Variants in NPFFR2 observed in about 807,000 individuals in gnomAD.
NPFFR2 encodes the protein G-protein coupled receptor 74.
In NPFFR2, 15 loss-of-function variants were observed where a neutral mutation model predicts 13.1. That is an observed-to-expected ratio of 1.15 (90% CI 0.77 to 1.76). The LOEUF is 1.76. Ranked by LOEUF, NPFFR2 falls within the 40% of genes most tolerant of loss-of-function variation. The pLI, the probability that NPFFR2 is intolerant of heterozygous loss-of-function variation, is 0.00. For missense variants in NPFFR2, 572 were observed against 503.5 expected, an observed-to-expected ratio of 1.14 and a Z score of -1.30; for synonymous variants, 190 against 175.7, an observed-to-expected ratio of 1.08 and a Z score of -0.65.
chr4:72,048,242 T>A (rs999577841), intron 1 of NPFFR2, among the ~76,000 whole-genome samples: 1 of 152,104 alleles, frequency 6.6e-6, no homozygotes, highest in African/African-American at 2.4e-5. Context: ...TCCCAAGTTC[T>A]GGATTCTTGG....
intron 3 of NPFFR2, among the ~76,000 whole-genome samples, chr4:72,144,337 C>T (rs1193739847): frequency 6.6e-6 from 1 of 152,132 alleles, no homozygotes; most frequent in Non-Finnish European, 1.5e-5. Context: ...CAGCAAAAAT[C>T]ATGATGTGGT....
At chr4:72,102,132 G>T (rs1202301615) in intron 1 of NPFFR2, among the ~76,000 whole-genome samples, 1 of 151,912 alleles carries the variant, frequency 6.6e-6, no homozygotes, top group Non-Finnish European at 1.5e-5. Context: ...ATGAGTATGG[G>T]TTTATTCTCC....
At chr4:72,066,359 CT>C (rs1257478000) in intron 1 of NPFFR2, among the ~76,000 whole-genome samples, 1 of 152,116 alleles carries the variant, frequency 6.6e-6, no homozygotes, top group African/African-American at 2.4e-5. Flanking sequence ...GTTTTAACAC[CT>C]GAATTTTTGA....
At chr4:72,108,593 G>A (rs1721480062) in intron 1 of NPFFR2, among the ~76,000 whole-genome samples, 1 of 151,946 alleles carries the variant, frequency 6.6e-6, no homozygotes, top group Non-Finnish European at 1.5e-5. Flanking sequence ...GGAGGAAATA[G>A]ACTAAAATAT....
At chr4:72,068,086 T>C (rs4694461) in intron 1 of NPFFR2, among the ~76,000 whole-genome samples, 136,860 of 152,134 alleles carry the variant, frequency 0.9, 62,516 homozygotes, top group Non-Finnish European at 0.98. Context: ...TCTACTTCCC[T>C]ATATTTTGGT....
intron 1 of NPFFR2, among the ~76,000 whole-genome samples, chr4:72,065,346 T>C (rs1720034567): frequency 6.6e-6 from 1 of 151,974 alleles, no homozygotes; most frequent in African/African-American, 2.4e-5. Flanking sequence ...TGAATGCAAA[T>C]ATGTAAATAA....
rs184897409 is a variant in NPFFR2, at chr4:72,137,769, G to A, written c.329-271G>A. Reference sequence around the variant, plus strand: ...GAGGAAAATAACAAAGCCTTCAAAAGCCTGTTGTGAGGATTAGATATGTTA... The same window carrying A: ...GAGGAAAATAACAAAGCCTTCAAAAACCTGTTGTGAGGATTAGATATGTTA... On this transcript the variant is annotated intron_variant, in intron 2 of 3. Coordinates refer to ENST00000308744, the MANE Select transcript of NPFFR2 (RefSeq NM_004885.3). Among the ~76,000 whole-genome samples the A allele has an allele frequency of 6.6e-5, 10 of 152,288 alleles. 1 individual carries two copies. The highest frequency in any genetic ancestry group is 3.3e-4 in the Admixed American group (5 of 15,288).
chr4:72,113,062 C>G (rs895380496), intron 1 of NPFFR2, among the ~76,000 whole-genome samples: 1 of 152,004 alleles, frequency 6.6e-6, no homozygotes, highest in Non-Finnish European at 1.5e-5. Flanking sequence ...AAAATTTACA[C>G]AGAATATCCT....
At chr4:72,079,531 T>A (rs1720546823) in intron 1 of NPFFR2, among the ~76,000 whole-genome samples, 1 of 152,114 alleles carries the variant, frequency 6.6e-6, no homozygotes, top group Non-Finnish European at 1.5e-5. Context: ...GACCTAAATG[T>A]AAAACTTTAA....
intron 1 of NPFFR2, among the ~76,000 whole-genome samples, chr4:72,044,037 A>G (rs1719308611): frequency 6.6e-6 from 1 of 152,178 alleles, no homozygotes; most frequent in Non-Finnish European, 1.5e-5. Context: ...TTCACATGAT[A>G]GTGAGTGAGT....
chr4:72,032,648 A>C (rs1328570457), intron 1 of NPFFR2, among the ~76,000 whole-genome samples: 1 of 152,192 alleles, frequency 6.6e-6, no homozygotes, highest in Non-Finnish European at 1.5e-5. Flanking sequence ...GAAAAGCTGA[A>C]ATCAGGTTTC....
At position 72,054,368 on chromosome 4, in the gene NPFFR2, A is replaced by T. The variant is rs143106299; in HGVS notation, c.-8+22168A>T. Among the ~76,000 whole-genome samples, 539 of 152,066 alleles carry T rather than the reference A, an allele frequency of 3.5e-3. 1 individual carries two copies. Among genetic ancestry groups the T allele is most frequent in the Non-Finnish European group, 6.3e-3 (427 of 67,906 alleles). ...ATTTATTTTAGACAATGGATCCAAGATAATTCAATTAGAAAAGGTTAATCT... is the reference window on the plus strand; with the variant it reads ...ATTTATTTTAGACAATGGATCCAAGTTAATTCAATTAGAAAAGGTTAATCT... On this transcript the variant is annotated intron_variant, in intron 1 of 3. Transcript: ENST00000308744.
chr4:72,056,298 C>T (rs1017502296), intron 1 of NPFFR2, among the ~76,000 whole-genome samples: 9 of 151,868 alleles, frequency 5.9e-5, no homozygotes, highest in Non-Finnish European at 1.0e-4. Flanking sequence ...ATACTCTGTC[C>T]ATGCTCTATA....
chr4:72,129,056 C>A, intron 2 of NPFFR2, 137 bp downstream of exon 2: 3 of 637,388 alleles, frequency 4.7e-6, no homozygotes, highest in Non-Finnish European at 8.0e-6. Flanking sequence ...AGGCACCTGC[C>A]CTCATTGGAT....
At chr4:72,114,025 T>C (rs1051527321) in intron 1 of NPFFR2, among the ~76,000 whole-genome samples, 2 of 152,110 alleles carry the variant, frequency 1.3e-5, no homozygotes, top group African/African-American at 4.8e-5. Flanking sequence ...ATAAGGACTT[T>C]TCTAGAAATA....
At chr4:72,111,378 C>A (rs1165691264) in intron 1 of NPFFR2, among the ~76,000 whole-genome samples, 1 of 151,970 alleles carries the variant, frequency 6.6e-6, no homozygotes, top group African/African-American at 2.4e-5. Flanking sequence ...AAGCACTAGG[C>A]AAGTTTCTAA....
rs867284438 is a variant in NPFFR2, at chr4:72,127,387, G to A, written c.-7-1198G>A. The stretch of plus-strand genomic sequence containing the variant: ...TTTTTTTTTTTTTTTTTTTTGAGAC[G>A]GAGTCTCGCTCTGTCGCCCAGGCTG... On this transcript the variant is annotated intron_variant, in intron 1 of 3. Coordinates refer to ENST00000308744, the MANE Select transcript of NPFFR2 (RefSeq NM_004885.3). Among the ~76,000 whole-genome samples the A allele has an allele frequency of 3.2e-3, 265 of 82,352 alleles. 2 individuals are homozygous for A. Among genetic ancestry groups the A allele is most frequent in the African/African-American group, 0.016 (239 of 14,666 alleles). 54.0% of individuals were successfully genotyped at this position (82,352 alleles called of 152,430 possible).
At chr4:72,141,197 TA>T (rs893610366) in intron 3 of NPFFR2, among the ~76,000 whole-genome samples, 3 of 151,398 alleles carry the variant, frequency 2.0e-5, no homozygotes, top group African/African-American at 4.9e-5. Context: ...TGTTGATCTT[TA>T]AAAAAAAACC....
intron 1 of NPFFR2, among the ~76,000 whole-genome samples, chr4:72,087,224 T>C (rs1720796548): frequency 6.6e-6 from 1 of 152,062 alleles, no homozygotes; most frequent in Admixed American, 6.6e-5. Context: ...ATCTGGGTTA[T>C]GGTCAACGCA....
Sources: gnomAD v4.1 joint callset for allele counts (sites outside exome capture counted in the v4.1 genomes callset) on GRCh38, gnomAD v4.1.1 for gene constraint, MANE v1.5 for transcripts, NCBI Gene and HGNC (gene_info 2026-07-23, HGNC 2026-07-21) for gene names.